VPS13D: variants seen among roughly 807,000 people sequenced by gnomAD.
The protein encoded by VPS13D is intermembrane lipid transfer protein VPS13D.
Under a neutral mutation model 461.9 loss-of-function variants are expected in VPS13D, and 187 were observed. That is an observed-to-expected ratio of 0.40 (90% confidence interval 0.36 to 0.46). VPS13D has a LOEUF of 0.46. Among genes scored for constraint, VPS13D ranks in the 20% least tolerant of loss-of-function variants. VPS13D has a pLI of 0.60. For missense variants in VPS13D, 4,711 were observed against 5,364.9 expected (o/e 0.88, Z 3.81); for synonymous variants, 1,951 against 1,986.3 (o/e 0.98, Z 0.47).
At chr1:12,289,368 C>T (rs1192097672) in intron 22 of VPS13D, among the ~76,000 whole-genome samples, 1 of 151,012 alleles carries the variant, frequency 6.6e-6, no homozygotes, top group Non-Finnish European at 1.5e-5. Context: ...CAGGCGTGAG[C>T]CACCGTACCC....
intron 19 of VPS13D, among the ~76,000 whole-genome samples, chr1:12,278,440 A>C (rs1641681705): frequency 6.6e-6 from 1 of 151,980 alleles, no homozygotes; most frequent in African/African-American, 2.4e-5. Context: ...ACGCCCGGCT[A>C]ATTTTTGTAT....
intron 29 of VPS13D, 130 bp downstream of exon 29, chr1:12,312,055 T>TAATGATAC: frequency 1.7e-6 from 1 of 598,154 alleles, no homozygotes; most frequent in African/African-American, 2.0e-5. Context: ...GAGTGTCTTT[T>TAATGATAC]GGTTGATCTA....
At chr1:12,339,054 A>G (rs1643510607) in intron 40 of VPS13D, among the ~76,000 whole-genome samples, 1 of 152,164 alleles carries the variant, frequency 6.6e-6, no homozygotes, top group South Asian at 2.1e-4. Flanking sequence ...TCCCTCTACC[A>G]GGAATATAGA....
intron 67 of VPS13D, chr1:12,478,649 A>G: frequency 2.7e-6 from 1 of 367,240 alleles, no homozygotes; most frequent in Non-Finnish European, 5.5e-6. Flanking sequence ...ACAGCTTTTC[A>G]GGACTGGGGA....
chr1:12,390,843 G>T (rs531749663), intron 60 of VPS13D, among the ~76,000 whole-genome samples: 12 of 152,328 alleles, frequency 7.9e-5, no homozygotes, highest in Admixed American at 5.9e-4. Flanking sequence ...TGGCCACTTT[G>T]TTCATAGTCC....
chr1:12,444,859 C>T (rs1332103410), intron 65 of VPS13D, among the ~76,000 whole-genome samples: 1 of 152,136 alleles, frequency 6.6e-6, no homozygotes, highest in African/African-American at 2.4e-5. Flanking sequence ...AGGTTCTGGC[C>T]AATGTTATTT....
At chr1:12,368,143 T>C (rs1234323751) in intron 52 of VPS13D, among the ~76,000 whole-genome samples, 3 of 152,216 alleles carry the variant, frequency 2.0e-5, no homozygotes, top group Non-Finnish European at 4.4e-5. Flanking sequence ...AGGTAAACTT[T>C]CCATTCCCTT....
intron 67 of VPS13D, chr1:12,478,790 T>A: frequency 2.2e-6 from 1 of 456,050 alleles, no homozygotes; most frequent in Non-Finnish European, 4.4e-6. Flanking sequence ...AGCTCTCTGT[T>A]TGTGGTATAA....
At position 12,288,218 on chromosome 1, in the gene VPS13D, C is replaced by G; in HGVS notation, c.5635-5C>G. 1 of 1,611,380 alleles carries G rather than the reference C, an allele frequency of 6.2e-7. No homozygotes were observed. The highest frequency in any genetic ancestry group is 8.5e-7 in the Non-Finnish European group (1 of 1,177,914). ...TTGGCCTTGCTTTATCTTGTCTGTT[C>G]CTAGGTTCATTCACTTTCTCTAGTG... On this transcript the variant is annotated splice_region_variant and splice_polypyrimidine_tract_variant and intron_variant, in intron 21 of 69. Transcript: ENST00000620676.
intron 55 of VPS13D, 39 bp downstream of exon 55, chr1:12,373,897 T>C: frequency 6.6e-7 from 1 of 1,509,248 alleles, no homozygotes; most frequent in Non-Finnish European, 9.1e-7. Flanking sequence ...ATACAAGGTT[T>C]TTAGCACTGG....
At chr1:12,245,647 C>T (rs1258481860) in intron 5 of VPS13D, among the ~76,000 whole-genome samples, 2 of 152,066 alleles carry the variant, frequency 1.3e-5, no homozygotes, top group Admixed American at 6.6e-5. Context: ...TGACTTGAGC[C>T]GAGGAGTTGG....
chr1:12,300,372 G>A (rs1291901376), intron 25 of VPS13D, among the ~76,000 whole-genome samples: 1 of 151,752 alleles, frequency 6.6e-6, no homozygotes, highest in African/African-American at 2.4e-5. Flanking sequence ...CACACCCAGC[G>A]AGTTTTTATG....
chr1:12,237,222 T>C (rs891763674), intron 2 of VPS13D, among the ~76,000 whole-genome samples: 1 of 150,736 alleles, frequency 6.6e-6, no homozygotes, highest in Non-Finnish European at 1.5e-5. Flanking sequence ...AGAATGGAGA[T>C]AGCATTTAAA....
chr1:12,288,011 G>T (rs186935737), intron 21 of VPS13D, among the ~76,000 whole-genome samples: 2 of 152,302 alleles, frequency 1.3e-5, no homozygotes, highest in South Asian at 2.1e-4. Context: ...AGGCACCACA[G>T]AAACTGAAAT....
Position 12,283,415 on chromosome 1 carries a change from C to T in VPS13D, c.5313C>T (p.Pro1771=), listed in dbSNP as rs1289212976. ...TPPPSPTVDE[P]KILVGKSKFD... ...CTCCTTCTCCAACAGTGGATGAGCCCAAGATACTTGTTGGAAAGAGTAAAT... is the reference window on the plus strand; with the variant it reads ...CTCCTTCTCCAACAGTGGATGAGCCTAAGATACTTGTTGGAAAGAGTAAAT... Residue 1771 remains proline, a synonymous_variant, in exon 21 of 70, where the codon CCC becomes CCT. Transcript: ENST00000620676. 3 of 1,614,058 alleles carry T rather than the reference C, an allele frequency of 1.9e-6. No homozygotes were observed. Among genetic ancestry groups the T allele is most frequent in the Admixed American group, 1.7e-5 (1 of 60,008 alleles).
rs780854700 is a variant in VPS13D at position 12,333,188 on chromosome 1, T to G, written c.8288-38T>G. On this transcript the variant is annotated intron_variant, in intron 37 of 69. Coordinates refer to ENST00000620676, the MANE Select transcript of VPS13D (RefSeq NM_015378.4). Reference sequence around the variant, plus strand: ...AGTGTTCCCCTATAAACTCTTGATATCTGCTGAACAGATGTCTTATTTCCT... The same window carrying G: ...AGTGTTCCCCTATAAACTCTTGATAGCTGCTGAACAGATGTCTTATTTCCT... 1.1e-5 allele frequency: 17 copies of G among 1,599,392 alleles called. No individual in the cohort carries two copies. The South Asian group carries it at 1.8e-4, about 17-fold the overall frequency.
At position 12,242,546 on chromosome 1, in the gene VPS13D, A is replaced by C; in HGVS notation, c.131A>C (p.Lys44Thr). 1 of 1,614,206 alleles carries C rather than the reference A, an allele frequency of 6.2e-7. No homozygotes were observed. Among genetic ancestry groups the C allele is most frequent in the Non-Finnish European group, 8.5e-7 (1 of 1,180,026 alleles). Residue 44 changes from lysine to threonine, a missense_variant, in exon 3 of 70, where the codon AAA becomes ACA. Transcript: ENST00000620676. ...AVELENLPLK[K>T]DALKELELPF... ...GAATTAGAAAACTTGCCATTAAAGA[A>C]AGATGCCTTGAAAGAATTGGAATTA...
intron 43 of VPS13D, among the ~76,000 whole-genome samples, chr1:12,345,918 AAG>A (rs911421068): frequency 6.6e-6 from 1 of 152,210 alleles, no homozygotes; most frequent in Admixed American, 6.5e-5. Flanking sequence ...CTGTGGCACA[AAG>A]AGAGATGTCC....
intron 65 of VPS13D, among the ~76,000 whole-genome samples, chr1:12,421,228 G>A (rs760673406): frequency 3.9e-5 from 6 of 152,174 alleles, no homozygotes; most frequent in Non-Finnish European, 8.8e-5. Context: ...TGACTCCCCT[G>A]CCTGGGTCTT....
Sources: allele counts gnomAD v4.1 joint callset (sites outside exome capture counted in the v4.1 genomes callset), GRCh38; gene constraint gnomAD v4.1.1; transcripts MANE v1.5; gene names NCBI Gene and HGNC (gene_info 2026-07-23, HGNC 2026-07-21).